Variants in MOSMO observed in about 807,000 individuals in gnomAD.
MOSMO encodes the protein modulator of smoothened protein.
A neutral mutation model predicts 18.4 loss-of-function variants in MOSMO; 5 were observed. That is an observed-to-expected ratio of 0.27 (90% confidence interval 0.14 to 0.57). The LOEUF is 0.57. Among genes scored for constraint, MOSMO ranks in the 20% least tolerant of loss-of-function variants. MOSMO has a pLI of 0.92. For missense variants in MOSMO, 138 were observed against 211.8 expected, an observed-to-expected ratio of 0.65 and a Z score of 2.16; for synonymous variants, 82 against 82.3, an observed-to-expected ratio of 1.00 and a Z score of 0.02.
intron 1 of MOSMO, among the ~76,000 whole-genome samples, chr16:22,056,430 G>C (rs2141753744): frequency 7.1e-6 from 1 of 140,862 alleles, no homozygotes; most frequent in Non-Finnish European, 1.5e-5. Context: ...GGAGTGCAAT[G>C]GCGCGATCTC....
intron 1 of MOSMO, among the ~76,000 whole-genome samples, chr16:22,015,369 C>T (rs1361749066): frequency 1.3e-5 from 2 of 152,106 alleles, no homozygotes; most frequent in Non-Finnish European, 2.9e-5. Context: ...TGCACGCTGC[C>T]ACACCTAGCT....
Position 22,075,573 on chromosome 16 carries a change from T to G in MOSMO, c.193T>G (p.Trp65Gly), listed in dbSNP as rs1463313959. The G allele has an allele frequency of 3.9e-6, 6 of 1,537,004 alleles. No homozygotes were observed. Among genetic ancestry groups the G allele is most frequent in the African/African-American group, 1.4e-5 (1 of 73,004 alleles). ...CATCCCTCCCCGGCTTCCCCCGGAG[T>G]GGGTCACCACACTGTTTTTTATCAT... ...TCIPPRLPPE[W>G]VTTLFFIIMG... The change falls in exon 2 of 3, where the codon TGG becomes GGG. Residue 65 changes from tryptophan (W) to glycine (G), a missense_variant. Physicochemically the swap from Trp to Gly is radical, Grantham distance 184. Transcript: ENST00000542527.
At chr16:22,009,102 T>A (rs1306045652) in intron 1 of MOSMO, among the ~76,000 whole-genome samples, 1 of 152,032 alleles carries the variant, frequency 6.6e-6, no homozygotes. Flanking sequence ...CGCTTGGCAA[T>A]GTTTGAGAAG....
intron 1 of MOSMO, among the ~76,000 whole-genome samples, chr16:22,059,565 C>G (rs1234381632): frequency 1.3e-5 from 2 of 152,100 alleles, no homozygotes; most frequent in East Asian, 3.9e-4. Flanking sequence ...GGGAAGGTCT[C>G]AGGAAACTTA....
intron 1 of MOSMO, among the ~76,000 whole-genome samples, chr16:22,069,071 T>C (rs1416319192): frequency 6.6e-6 from 1 of 152,138 alleles, no homozygotes; most frequent in Non-Finnish European, 1.5e-5. Context: ...TCTCTTCAGG[T>C]TCAGTAAGGA....
At chr16:22,088,492 C>CTGTGATCAAGTTTTG (rs1901230656), downstream of MOSMO, among the ~76,000 whole-genome samples, 1 of 152,112 alleles carries the variant, frequency 6.6e-6, no homozygotes, top group African/African-American at 2.4e-5. Context: ...GAACTTAGGC[C>CTGTGATCAAGTTTTG]TTGGATAACA....
At chr16:22,066,318 G>A (rs1900746975) in intron 1 of MOSMO, among the ~76,000 whole-genome samples, 1 of 152,148 alleles carries the variant, frequency 6.6e-6, no homozygotes, top group Non-Finnish European at 1.5e-5. Context: ...AGGTTCCTGA[G>A]GTATTGGGGT....
At chr16:22,019,951 C>T (rs1019460011) in intron 1 of MOSMO, among the ~76,000 whole-genome samples, 6 of 151,870 alleles carry the variant, frequency 4.0e-5, no homozygotes, top group Admixed American at 1.3e-4. Context: ...CGGTGGCTCA[C>T]GCCTGTAATC....
intron 1 of MOSMO, among the ~76,000 whole-genome samples, chr16:22,014,054 C>T (rs1899589143): frequency 6.6e-6 from 1 of 152,064 alleles, no homozygotes; most frequent in Admixed American, 6.6e-5. Context: ...TACTCCTGGA[C>T]CTTAAAATTG....
the MOSMO span, chr16:22,092,606 C>G: frequency 3.9e-6 from 6 of 1,550,026 alleles, no homozygotes; most frequent in African/African-American, 8.2e-5. Flanking sequence ...CCTGGAGTGC[C>G]AGGAGCCCTT....
chr16:22,023,997 T>TTATATATATA (rs72336979), intron 1 of MOSMO, among the ~76,000 whole-genome samples: 6,309 of 126,222 alleles, frequency 0.05, 299 homozygotes, highest in East Asian at 0.11. Flanking sequence ...TTTGTACAAA[T>TTATATATATA]TATATATATA....
At chr16:22,037,862 C>T (rs1346913950) in intron 1 of MOSMO, among the ~76,000 whole-genome samples, 3 of 152,208 alleles carry the variant, frequency 2.0e-5, no homozygotes, top group Non-Finnish European at 4.4e-5. Context: ...TACCCAGAAG[C>T]TCTTTGAGCC....
intron 2 of MOSMO, 88 bp from the exon 3 acceptor site, chr16:22,080,608 C>T (rs1901060146): frequency 1.3e-6 from 1 of 794,586 alleles, no homozygotes; most frequent in South Asian, 2.4e-5. Context: ...GCCAGCCCTT[C>T]TTACAAGCTT....
At chr16:22,016,551 G>C (rs540544635) in intron 1 of MOSMO, among the ~76,000 whole-genome samples, 2 of 152,254 alleles carry the variant, frequency 1.3e-5, no homozygotes, top group Non-Finnish European at 2.9e-5. Flanking sequence ...ACACACTTAT[G>C]GGACACATGT....
chr16:22,080,336 C>T (rs1232168600), intron 2 of MOSMO, among the ~76,000 whole-genome samples: 1 of 152,078 alleles, frequency 6.6e-6, no homozygotes, highest in Non-Finnish European at 1.5e-5. Context: ...GATTACACAG[C>T]TAGTAGGCAA....
intron 1 of MOSMO, among the ~76,000 whole-genome samples, chr16:22,051,242 G>C (rs1317581702): frequency 6.6e-6 from 1 of 151,892 alleles, no homozygotes; most frequent in East Asian, 1.9e-4. Flanking sequence ...ACAAAAATTA[G>C]CCGAGCATGG....
chr16:22,036,234 G>C (rs997096891), intron 1 of MOSMO, among the ~76,000 whole-genome samples: 1 of 151,860 alleles, frequency 6.6e-6, no homozygotes, highest in Non-Finnish European at 1.5e-5. Flanking sequence ...CAAGTGATCC[G>C]CTTACCTCAG....
intron 2 of MOSMO, among the ~76,000 whole-genome samples, chr16:22,079,366 T>C (rs1901034864): frequency 6.6e-6 from 1 of 152,198 alleles, no homozygotes; most frequent in Admixed American, 6.5e-5. Context: ...CAGAGAAAGT[T>C]GAAGGACAAT....
chr16:22,075,907 GT>G, intron 2 of MOSMO: 1 of 495,140 alleles, frequency 2.0e-6, no homozygotes, highest in South Asian at 2.2e-5. Context: ...TAATCACTTT[GT>G]ATGAAATGCT....
Sources: allele counts gnomAD v4.1 joint callset (sites outside exome capture counted in the v4.1 genomes callset), GRCh38; gene constraint gnomAD v4.1.1; transcripts MANE v1.5; gene names NCBI Gene and HGNC (gene_info 2026-07-23, HGNC 2026-07-21).